Variants in NHLRC2 observed in about 807,000 individuals in gnomAD.
NHLRC2 encodes NHL repeat-containing protein 2.
NHLRC2 carries 33 observed loss-of-function variants against 68.1 expected under a neutral mutation model. The ratio of observed to expected loss-of-function variants is 0.48; its 90% CI spans 0.37 to 0.65. The LOEUF is 0.65. Ranked by LOEUF, NHLRC2 falls within the 30% of genes least tolerant of loss-of-function variation. The pLI is 0.00. For missense variants in NHLRC2, 761 were observed against 853.8 expected (o/e 0.89, Z 1.35); for synonymous variants, 311 against 309.6 (o/e 1.00, Z -0.05).
intron 2 of NHLRC2, among the ~76,000 whole-genome samples, chr10:113,875,412 G>A (rs1845969614): frequency 1.3e-5 from 2 of 152,140 alleles, no homozygotes; most frequent in Non-Finnish European, 2.9e-5. Context: ...TTCCCCAGCT[G>A]TTCTCCTCAG....
At position 113,876,795 on chromosome 10, in the gene NHLRC2, G is replaced by T; in HGVS notation, c.606G>T (p.Gly202=). 1 of 1,611,908 alleles carries T rather than the reference G, an allele frequency of 6.2e-7. No homozygotes were observed. The highest frequency in any genetic ancestry group is 2.2e-5 in the East Asian group (1 of 44,844). ...SIALKYYKDR[G]QIRDNKIGIK... Reference sequence around the variant, plus strand: ...CTTTAAAGTATTACAAAGACAGGGGGCAGATCAGAGATAATAAAATTGGAA... The same window carrying T: ...CTTTAAAGTATTACAAAGACAGGGGTCAGATCAGAGATAATAAAATTGGAA... The change falls in exon 3 of 11, where the codon GGG becomes GGT. Residue 202 remains glycine (G), a synonymous_variant. Transcript: ENST00000369301.
intron 3 of NHLRC2, among the ~76,000 whole-genome samples, chr10:113,878,875 G>A (rs1479219077): frequency 6.6e-6 from 1 of 152,040 alleles, no homozygotes; most frequent in Non-Finnish European, 1.5e-5. Context: ...TTTTATGGTT[G>A]CCTAGGACAA....
chr10:113,877,016 C>T (rs1165285341), intron 3 of NHLRC2, 40 bp downstream of exon 3: 3 of 1,217,668 alleles, frequency 2.5e-6, no homozygotes, highest in Non-Finnish European at 3.4e-6. Context: ...ACGTGTTTTA[C>T]AGTAAAAAAA....
intron 2 of NHLRC2, among the ~76,000 whole-genome samples, chr10:113,865,415 A>C (rs968444533): frequency 6.6e-6 from 1 of 151,526 alleles, no homozygotes; most frequent in African/African-American, 2.4e-5. Context: ...TATTTGGCTT[A>C]GAATATTGTT....
chr10:113,864,288 A>G (rs112896698), intron 2 of NHLRC2, among the ~76,000 whole-genome samples: 3 of 152,308 alleles, frequency 2.0e-5, no homozygotes, highest in African/African-American at 7.2e-5. Flanking sequence ...GCGAGATGAA[A>G]TGAGTTCCGG....
In NHLRC2 at chr10:113,864,320, G is replaced by A. The variant is rs370110853; in HGVS notation, c.331+5640G>A. Among the ~76,000 whole-genome samples the A allele has an allele frequency of 2.4e-3, 361 of 152,254 alleles. 1 individual carries two copies. The highest frequency in any genetic ancestry group is 7.9e-3 in the African/African-American group (327 of 41,554). On this transcript the variant is annotated intron_variant, in intron 2 of 10. Transcript: ENST00000369301. ...CCGGAGATGGAGGATGGCAATGGTCGCACAGCAATAGGAATGTCCTAAATA... is the reference window on the plus strand; with the variant it reads ...CCGGAGATGGAGGATGGCAATGGTCACACAGCAATAGGAATGTCCTAAATA...
At position 113,914,974 on chromosome 10, in the gene NHLRC2, C is replaced by A; in HGVS notation, c.*6438C>A. The A allele has an allele frequency of 2.2e-6, 1 of 456,234 alleles. No individual in the cohort carries two copies. Among genetic ancestry groups the A allele is most frequent in the South Asian group, 1.5e-5 (1 of 64,554 alleles). 28.3% of individuals were successfully genotyped at this position (456,234 alleles called of 1,614,324 possible). A position where few individuals can be genotyped will look rare whatever the true frequency, so the allele number is the denominator to read the frequency against. On this transcript the variant is annotated 3_prime_UTR_variant, in exon 11 of 11. Coordinates refer to ENST00000369301, the MANE Select transcript of NHLRC2 (RefSeq NM_198514.4). ...TGCCTCAGGCTTGCAGAAGGCTGCC[C>A]CAATCACAGAGCCTGGGTAAGGTGG... is the stretch of plus-strand genomic sequence containing the variant.
intron 4 of NHLRC2, among the ~76,000 whole-genome samples, chr10:113,881,309 T>C (rs780140082): frequency 6.6e-6 from 1 of 151,834 alleles, no homozygotes; most frequent in Admixed American, 6.6e-5. Flanking sequence ...TTCAAATATT[T>C]ATGCATTTAA....
At chr10:113,866,229 A>G (rs1845866936) in intron 2 of NHLRC2, among the ~76,000 whole-genome samples, 2 of 152,248 alleles carry the variant, frequency 1.3e-5, no homozygotes, top group African/African-American at 4.8e-5. Context: ...AACCTACTTA[A>G]TAGGAATGAA....
chr10:113,884,231 C>T lies in NHLRC2; in HGVS notation c.910-20C>T, dbSNP rs375676565. ...AAAAGTAACATTCATTGCATAAAAC[C>T]ATCCTTTGAATTTCTATAGATTGAC... is the stretch of plus-strand genomic sequence containing the variant. On this transcript the variant is annotated intron_variant, in intron 4 of 10. Transcript: ENST00000369301. 1.9e-5 allele frequency: 30 copies of T among 1,598,594 alleles called. No individual in the cohort carries two copies. The highest frequency in any genetic ancestry group is 2.4e-5 in the Non-Finnish European group (28 of 1,171,364).
At chr10:113,879,810 C>CA (rs1846020970) in intron 4 of NHLRC2, 115 bp downstream of exon 4, 1 of 653,030 alleles carries the variant, frequency 1.5e-6, no homozygotes, top group Non-Finnish European at 2.5e-6. Context: ...TGTCCTTGTT[C>CA]TGCTTTTCTT....
chr10:113,876,934 T>G lies in NHLRC2; in HGVS notation c.745T>G (p.Leu249Val). The change falls in exon 3 of 11, where the codon TTG (leucine) becomes GTG (valine). Residue 249 changes from leucine to valine, a missense_variant. By Grantham distance (32) the Leu-to-Val change is conservative. Transcript: ENST00000369301. ...AGCAGACACTGGACATCATAGAATT[T>G]TGGTCGTTTGGAAGAATGGACAAAT... ...VIADTGHHRI[L>V]VVWKNGQIQY... is the part of the protein sequence containing the mutation. 1 of 1,603,288 alleles carries G rather than the reference T, an allele frequency of 6.2e-7. No homozygotes were observed. The highest frequency in any genetic ancestry group is 1.7e-4 in the Middle Eastern group (1 of 5,970).
intron 2 of NHLRC2, among the ~76,000 whole-genome samples, chr10:113,859,558 T>C (rs1025750551): frequency 3.3e-5 from 5 of 152,178 alleles, no homozygotes; most frequent in African/African-American, 9.6e-5. Context: ...TTGTAATACA[T>C]TGTATGTTAA....
chr10:113,913,847 GTTT>G lies in NHLRC2; in HGVS notation c.*5327_*5329del, dbSNP rs1166883832. On this transcript the variant is annotated 3_prime_UTR_variant, in exon 11 of 11. Coordinates refer to ENST00000369301, the MANE Select transcript of NHLRC2 (RefSeq NM_198514.4). ...AGGTACTTTTTGTTGTTGTTGTTTT[GTTT>G]TTTTTTTTTTTTTTTGAGATGGAGT... 4.1e-5 allele frequency: 5 copies of G among 121,516 alleles called. No homozygotes were observed. Among genetic ancestry groups the G allele is most frequent in the African/African-American group, 6.2e-5 (2 of 32,396 alleles). 7.5% of individuals were successfully genotyped at this position (121,516 alleles called of 1,614,324 possible). A position where few individuals can be genotyped will look rare whatever the true frequency, so the allele number is the denominator to read the frequency against.
At chr10:113,874,386 C>T (rs540654495) in intron 2 of NHLRC2, among the ~76,000 whole-genome samples, 1 of 151,674 alleles carries the variant, frequency 6.6e-6, no homozygotes, top group East Asian at 1.9e-4. Context: ...ACCCACATCC[C>T]CCAGGCAACC....
At position 113,903,592 on chromosome 10, in the gene NHLRC2, T is replaced by C; in HGVS notation, c.1560T>C (p.Asn520=). The part of the protein sequence containing the change: ...TTLAGTGDTN[N]VTSSSFTEST... ...TAGCAGGAACTGGAGACACAAATAA[T>C]GTTACCAGTTCCAGTTTTACAGAGT... The change falls in exon 9 of 11, where the codon AAT becomes AAC. Residue 520 remains asparagine, a synonymous_variant. Coordinates refer to ENST00000369301, the MANE Select transcript of NHLRC2 (RefSeq NM_198514.4). The C allele has an allele frequency of 6.2e-7, 1 of 1,612,830 alleles. No homozygotes were observed. The highest frequency in any genetic ancestry group is 8.5e-7 in the Non-Finnish European group (1 of 1,179,022).
chr10:113,910,789 C>T lies in NHLRC2; in HGVS notation c.*2253C>T, dbSNP rs1016702167. ...ATTTGTCTAGACAGTTTTAGGTTAG[C>T]CTTAGCTTATACTTTTCTTGACTTT... On this transcript the variant is annotated 3_prime_UTR_variant, in exon 11 of 11. Coordinates refer to ENST00000369301, the MANE Select transcript of NHLRC2 (RefSeq NM_198514.4). 1.3e-5 allele frequency: 2 copies of T among 152,108 alleles called. No individual in the cohort carries two copies. Among genetic ancestry groups the T allele is most frequent in the African/African-American group, 4.8e-5 (2 of 41,432 alleles). 9.4% of individuals were successfully genotyped at this position (152,108 alleles called of 1,614,324 possible). A position where few individuals can be genotyped will look rare whatever the true frequency, so the allele number is the denominator to read the frequency against.
At chr10:113,887,779 A>G (rs967448348) in intron 5 of NHLRC2, among the ~76,000 whole-genome samples, 19 of 152,244 alleles carry the variant, frequency 1.2e-4, no homozygotes, top group Non-Finnish European at 2.5e-4. Flanking sequence ...CTCTAAAAAA[A>G]CAAAAAGAAA....
intron 5 of NHLRC2, among the ~76,000 whole-genome samples, chr10:113,889,469 C>T (rs984395530): frequency 3.9e-5 from 6 of 152,026 alleles, no homozygotes; most frequent in Admixed American, 3.9e-4. Flanking sequence ...ATGACTAGTA[C>T]ATTTTTATTT....
Sources: allele counts gnomAD v4.1 joint callset (sites outside exome capture counted in the v4.1 genomes callset), GRCh38; gene constraint gnomAD v4.1.1; transcripts MANE v1.5; gene names NCBI Gene and HGNC (gene_info 2026-07-23, HGNC 2026-07-21).